Variants in PTGR1 observed in about 807,000 individuals in gnomAD.
The protein encoded by PTGR1 is prostaglandin reductase 1.
A neutral mutation model predicts 37.7 loss-of-function variants in PTGR1; 23 were observed. The observed-to-expected ratio is 0.61, with a 90% CI of 0.44 to 0.86. The LOEUF is 0.86. Ranked by LOEUF, PTGR1 falls within the 40% of genes least tolerant of loss-of-function variation. PTGR1 has a pLI of 0.00. For synonymous variants in PTGR1, 134 were observed against 140.0 expected (o/e 0.96, Z 0.30); for missense variants, 351 against 394.3 (o/e 0.89, Z 0.93).
At chr9:111,582,541 T>C (rs372273107) in intron 6 of PTGR1, among the ~76,000 whole-genome samples, 4 of 152,314 alleles carry the variant, frequency 2.6e-5, no homozygotes, top group South Asian at 2.1e-4. Flanking sequence ...TAATATACCA[T>C]ACATACGTAA....
At position 111,574,769 on chromosome 9, in the gene PTGR1, A is replaced by T; in HGVS notation, c.725T>A (p.Ile242Asn). The change falls in exon 8 of 10, where the codon ATC becomes AAC. Residue 242 changes from isoleucine to asparagine, a missense_variant. Ile to Asn is a moderately radical substitution (Grantham distance 149). Coordinates refer to ENST00000407693, the MANE Select transcript of PTGR1 (RefSeq NM_001146108.2). ...TGGGCCGGTTCTGTTATATGTAGAG[A>T]TGGCTCCACATATGGCAATCCTTCC... ...KFGRIAICGA[I>N]STYNRTGPLP... 6.2e-7 allele frequency: 1 copy of T among 1,613,904 alleles called. No homozygotes were observed. Among genetic ancestry groups the T allele is most frequent in the South Asian group, 1.1e-5 (1 of 91,066 alleles).
downstream of PTGR1, among the ~76,000 whole-genome samples, chr9:111,561,167 GAGAGAGAGAGAA>G (rs1189886171): frequency 7.0e-6 from 1 of 142,920 alleles, no homozygotes; most frequent in Admixed American, 7.1e-5. Flanking sequence ...GAGAGAGAGA[GAGAGAGAGAGAA>G]AGAGAGAGAG....
At chr9:111,572,370 A>G (rs2065103) in intron 8 of PTGR1, among the ~76,000 whole-genome samples, 112,178 of 152,022 alleles carry the variant, frequency 0.74, 42,297 homozygotes, top group African/African-American at 0.87. Flanking sequence ...TGAAGGGAGC[A>G]GATCACGAGG....
chr9:111,584,214 G>C (rs1481748135), intron 5 of PTGR1, among the ~76,000 whole-genome samples: 1 of 152,194 alleles, frequency 6.6e-6, no homozygotes, highest in African/African-American at 2.4e-5. Flanking sequence ...CATCTCATTG[G>C]ATTGCGAGTT....
intron 9 of PTGR1, among the ~76,000 whole-genome samples, chr9:111,567,095 A>C (rs1304514428): frequency 6.6e-6 from 1 of 151,554 alleles, no homozygotes; most frequent in African/African-American, 2.4e-5. Flanking sequence ...AAAAAAAAAC[A>C]AAAAAAGTCG....
In PTGR1 at chr9:111,570,472, T is replaced by C. The variant is rs114288511; in HGVS notation, c.761-263A>G. 2.3e-3 allele frequency among the ~76,000 whole-genome samples: 356 copies of C among 152,222 alleles called. 2 individuals are homozygous for C. Among genetic ancestry groups the C allele is most frequent in the African/African-American group, 8.4e-3 (350 of 41,534 alleles). On this transcript the variant is annotated intron_variant, in intron 8 of 9. Transcript: ENST00000407693. ...TACATGGCAAAAAGGACTTTGCAGA[T>C]ATGATTAAGAAGTTTGGGGGTGGCG...
intron 7 of PTGR1, among the ~76,000 whole-genome samples, chr9:111,578,264 T>G (rs1429697958): frequency 2.0e-5 from 3 of 151,566 alleles, no homozygotes; most frequent in Non-Finnish European, 3.0e-5. Flanking sequence ...CCATCGATTG[T>G]TGGGGGGATG....
downstream of PTGR1, among the ~76,000 whole-genome samples, chr9:111,561,104 T>TAGAGAGAG (rs1465441902): frequency 4.9e-4 from 13 of 26,370 alleles, no homozygotes; most frequent in African/African-American, 9.5e-4. Flanking sequence ...TATATATATA[T>TAGAGAGAG]ATATATAGAG....
chr9:111,578,927 C>T lies in PTGR1; in HGVS notation c.520G>A (p.Gly174Arg). 1 of 1,605,776 alleles carries T rather than the reference C, an allele frequency of 6.2e-7. No homozygotes were observed. The highest frequency in any genetic ancestry group is 8.5e-7 in the Non-Finnish European group (1 of 1,177,694). ...AGGTAGGCAACCTTTTCATCAGACC[C>T]TACTGCTCCAACAACTTTGCAGCCC... is the stretch of plus-strand genomic sequence containing the variant. ...LKGCKVVGAV[G>R]SDEKVAYLQK... The change falls in exon 7 of 10, where the codon GGG (glycine) becomes AGG (arginine). Residue 174 changes from glycine to arginine, a missense_variant. Gly to Arg is a moderately radical substitution (Grantham distance 125). Transcript: ENST00000407693.
intron 9 of PTGR1, among the ~76,000 whole-genome samples, chr9:111,565,442 G>A (rs935260931): frequency 6.6e-6 from 1 of 152,138 alleles, no homozygotes; most frequent in African/African-American, 2.4e-5. Flanking sequence ...TTAATAATAG[G>A]GGAAATTAGG....
chr9:111,570,334 T>TGTA, intron 8 of PTGR1, 125 bp from the exon 9 acceptor site: 1 of 1,419,214 alleles, frequency 7.0e-7, no homozygotes. Flanking sequence ...CCCTTCCATT[T>TGTA]CCTCACTCCT....
At chr9:111,598,528 T>A (rs1352929572) in intron 1 of PTGR1, among the ~76,000 whole-genome samples, 3 of 152,178 alleles carry the variant, frequency 2.0e-5, no homozygotes, top group Non-Finnish European at 4.4e-5. Flanking sequence ...GGAGTCTCGC[T>A]CTGTCGCCCA....
chr9:111,581,652 T>A (rs1829283974), intron 6 of PTGR1, among the ~76,000 whole-genome samples: 1 of 152,088 alleles, frequency 6.6e-6, no homozygotes, highest in Non-Finnish European at 1.5e-5. Flanking sequence ...TTTTTTTTAA[T>A]TTAGAGACAA....
chr9:111,556,862 C>T (rs1027161897), intron 9 of PTGR1, among the ~76,000 whole-genome samples: 7 of 152,306 alleles, frequency 4.6e-5, no homozygotes, highest in African/African-American at 1.4e-4. Flanking sequence ...GTATAGCCTG[C>T]GGAACTGAGA....
At chr9:111,560,944 AAT>A (rs746101013), downstream of PTGR1, among the ~76,000 whole-genome samples, 58 of 31,208 alleles carry the variant, frequency 1.9e-3, 8 homozygotes, top group Non-Finnish European at 2.5e-3. Context: ...CTCCATCTAA[AAT>A]ATATATATAT....
At chr9:111,582,640 G>A (rs1829317560) in intron 6 of PTGR1, among the ~76,000 whole-genome samples, 1 of 152,176 alleles carries the variant, frequency 6.6e-6, no homozygotes, top group Non-Finnish European at 1.5e-5. Context: ...ATGCCGCAAT[G>A]GCATTTGATA....
chr9:111,550,259 CT>C (rs112862299), intron 9 of PTGR1, among the ~76,000 whole-genome samples: 3 of 152,224 alleles, frequency 2.0e-5, no homozygotes, highest in African/African-American at 7.2e-5. Context: ...GGTTTCATCC[CT>C]TTTTTCTCCT....
In PTGR1 at chr9:111,583,460, A is replaced by G; in HGVS notation, c.495+12T>C. The G allele has an allele frequency of 6.3e-7, 1 of 1,578,808 alleles. No individual in the cohort carries two copies. The highest frequency in any genetic ancestry group is 2.2e-5 in the East Asian group (1 of 44,702). On this transcript the variant is annotated intron_variant, in intron 6 of 9. Transcript: ENST00000407693. ...TTTGAATAAAGGCTTGTTACTGGAG[A>G]AAGGCACTTACCTTGAGCTTTGCAA...
At chr9:111,564,472 AT>A (rs956661913) in intron 9 of PTGR1, among the ~76,000 whole-genome samples, 4 of 151,634 alleles carry the variant, frequency 2.6e-5, no homozygotes, top group Admixed American at 2.6e-4. Flanking sequence ...TGCCCAGCTA[AT>A]TTTTTTAGTT....
Sources: gnomAD v4.1 joint callset for allele counts (sites outside exome capture counted in the v4.1 genomes callset) on GRCh38, gnomAD v4.1.1 for gene constraint, MANE v1.5 for transcripts, NCBI Gene and HGNC (gene_info 2026-07-23, HGNC 2026-07-21) for gene names.